TNIP3: variants seen among roughly 807,000 people sequenced by gnomAD.
TNIP3 encodes TNFAIP3 interacting protein 3, also known as TNFAIP3-interacting protein 3.
A neutral mutation model predicts 54.1 loss-of-function variants in TNIP3; 34 were observed. The ratio of observed to expected loss-of-function variants is 0.63; its 90% CI spans 0.48 to 0.84. The LOEUF is 0.84. Among genes scored for constraint, TNIP3 ranks in the 40% least tolerant of loss-of-function variants. The pLI is 0.00. For synonymous variants in TNIP3, 134 were observed against 136.8 expected, an observed-to-expected ratio of 0.98 and a Z score of 0.14; for missense variants, 366 against 387.6, an observed-to-expected ratio of 0.94 and a Z score of 0.47.
At position 121,158,717 on chromosome 4, in the gene TNIP3, A is replaced by G. The variant is rs1406406772; in HGVS notation, c.183T>C (p.Phe61=). The change falls in exon 3 of 11, where the codon TTT becomes TTC. Residue 61 remains phenylalanine, a synonymous_variant. Coordinates refer to ENST00000057513, the MANE Select transcript of TNIP3 (RefSeq NM_024873.6). The stretch of plus-strand genomic sequence containing the variant: ...TTTCATATAACTCTTTCATACTTCT[A>G]AATTGCTGATCCCATTGCTGGTTAA... ...LEVNQQWDQQ[F]RSMKELYERK... is the part of the protein sequence containing the mutation. 1 of 1,613,020 alleles carries G rather than the reference A, an allele frequency of 6.2e-7. No homozygotes were observed. The highest frequency in any genetic ancestry group is 8.5e-7 in the Non-Finnish European group (1 of 1,179,672).
intron 9 of TNIP3, 131 bp from the exon 10 acceptor site, chr4:121,138,815 C>T (rs945693438): frequency 7.7e-6 from 6 of 775,282 alleles, no homozygotes; most frequent in Non-Finnish European, 1.3e-5. Flanking sequence ...AAACCTATTG[C>T]CAACCTCACT....
chr4:121,183,561 C>T (rs9993163), intron 2 of TNIP3, among the ~76,000 whole-genome samples: 52,525 of 152,116 alleles, frequency 0.35, 10,996 homozygotes, highest in African/African-American at 0.59. Context: ...CAGCAGGAAG[C>T]GAGAGGCAGG....
At chr4:121,151,821 A>G (rs1729777565) in intron 5 of TNIP3, among the ~76,000 whole-genome samples, 1 of 152,166 alleles carries the variant, frequency 6.6e-6, no homozygotes, top group Non-Finnish European at 1.5e-5. Context: ...TATTTATTCC[A>G]TTTTGGGCTT....
intron 2 of TNIP3, among the ~76,000 whole-genome samples, chr4:121,193,165 A>T (rs1725389662): frequency 6.6e-6 from 1 of 152,196 alleles, no homozygotes; most frequent in Admixed American, 6.5e-5. Context: ...CAGCTATACA[A>T]AAAGATTGGG....
chr4:121,158,138 A>G (rs552785665), intron 3 of TNIP3, among the ~76,000 whole-genome samples: 2 of 152,148 alleles, frequency 1.3e-5, no homozygotes, highest in Non-Finnish European at 2.9e-5. Flanking sequence ...TCTTTTATGT[A>G]TTAAAGGAGG....
At chr4:121,156,707 A>G (rs1730109368) in intron 4 of TNIP3, among the ~76,000 whole-genome samples, 1 of 152,202 alleles carries the variant, frequency 6.6e-6, no homozygotes, top group East Asian at 1.9e-4. Flanking sequence ...AGGTATTGCC[A>G]TATTATTATT....
chr4:121,168,557 G>A (rs1204892599), upstream of TNIP3, among the ~76,000 whole-genome samples: 5 of 137,614 alleles, frequency 3.6e-5, no homozygotes, highest in African/African-American at 1.4e-4. Flanking sequence ...GTTATGTTCT[G>A]TAGTACAGGC....
intron 5 of TNIP3, among the ~76,000 whole-genome samples, chr4:121,151,053 C>G (rs949347777): frequency 1.4e-4 from 21 of 152,138 alleles, no homozygotes; most frequent in Non-Finnish European, 1.9e-4. Flanking sequence ...TTGGTAATAT[C>G]ATATGAAAGA....
At chr4:121,133,365 G>A (rs950373092) in intron 10 of TNIP3, among the ~76,000 whole-genome samples, 5 of 152,166 alleles carry the variant, frequency 3.3e-5, no homozygotes, top group Non-Finnish European at 7.3e-5. Flanking sequence ...AAAGCAAATA[G>A]GAAGATAATA....
chr4:121,217,180 A>T (rs1303316980), upstream of TNIP3, among the ~76,000 whole-genome samples: 1 of 152,186 alleles, frequency 6.6e-6, no homozygotes, highest in South Asian at 2.1e-4. Flanking sequence ...GAATCTTGAG[A>T]TTGAAGAATT....
At chr4:121,218,008 A>G (rs1726872513), upstream of TNIP3, among the ~76,000 whole-genome samples, 2 of 152,198 alleles carry the variant, frequency 1.3e-5, no homozygotes, top group Admixed American at 1.3e-4. Flanking sequence ...ATCTAGGATT[A>G]AACACCAAAC....
chr4:121,207,473 G>T (rs955055563), intron 2 of TNIP3, among the ~76,000 whole-genome samples: 1 of 152,106 alleles, frequency 6.6e-6, no homozygotes. Flanking sequence ...TTAATTGTAC[G>T]CAGATATCTT....
chr4:121,182,823 C>T, intron 2 of TNIP3: 12 of 1,533,348 alleles, frequency 7.8e-6, no homozygotes, highest in Non-Finnish European at 1.0e-5. Flanking sequence ...GGGAAAGTTA[C>T]ATTATACAAA....
intron 5 of TNIP3, among the ~76,000 whole-genome samples, chr4:121,150,723 T>C (rs1729697340): frequency 6.6e-6 from 1 of 152,186 alleles, no homozygotes; most frequent in Admixed American, 6.5e-5. Flanking sequence ...TTGAGTAACA[T>C]TCTACTATAT....
At chr4:121,204,336 C>T (rs1726063761) in intron 2 of TNIP3, among the ~76,000 whole-genome samples, 1 of 152,114 alleles carries the variant, frequency 6.6e-6, no homozygotes, top group African/African-American at 2.4e-5. Flanking sequence ...TGCCTCTTAT[C>T]TACCTATGGT....
At chr4:121,214,190 C>A (rs1043438551) in intron 2 of TNIP3, among the ~76,000 whole-genome samples, 3 of 152,144 alleles carry the variant, frequency 2.0e-5, no homozygotes, top group Non-Finnish European at 4.4e-5. Flanking sequence ...TTCCCTCAGA[C>A]AAAGACATGG....
intron 4 of TNIP3, among the ~76,000 whole-genome samples, chr4:121,155,975 A>G (rs998536564): frequency 6.6e-6 from 1 of 152,252 alleles, no homozygotes; most frequent in Non-Finnish European, 1.5e-5. Context: ...AGCATAATTT[A>G]AGAGAAAATT....
intron 5 of TNIP3, among the ~76,000 whole-genome samples, chr4:121,152,080 T>C (rs1729795084): frequency 1.3e-5 from 2 of 152,176 alleles, no homozygotes; most frequent in Admixed American, 6.5e-5. Context: ...GTACACATAA[T>C]TGTGTGAACT....
rs190568362 is a variant in TNIP3, at chr4:121,160,869, C to T, written c.147+267G>A. ...AACTTGGTCTGTGTGGAGGAAACAT[C>T]TAAGTTTTGAGAAAATTAGGATTAT... On this transcript the variant is annotated intron_variant, in intron 2 of 10. Transcript: ENST00000057513. Among the ~76,000 whole-genome samples the T allele has an allele frequency of 2.8e-3, 426 of 152,276 alleles. 5 individuals carry two copies. Among genetic ancestry groups the T allele is most frequent in the African/African-American group, 9.9e-3 (412 of 41,550 alleles).
Sources: allele counts gnomAD v4.1 joint callset (sites outside exome capture counted in the v4.1 genomes callset), GRCh38; gene constraint gnomAD v4.1.1; transcripts MANE v1.5; gene names NCBI Gene and HGNC (gene_info 2026-07-23, HGNC 2026-07-21).